The following NTRK1 variants were observed in gnomAD, a reference collection of about 807,000 sequenced individuals.
The protein encoded by NTRK1 is high affinity nerve growth factor receptor.
In NTRK1, 62 loss-of-function variants were observed where a neutral mutation model predicts 86.8. That is an observed-to-expected ratio of 0.71 (90% CI 0.58 to 0.88). The LOEUF (loss-of-function observed/expected upper bound fraction) is 0.88. Ranked by LOEUF, NTRK1 falls within the 40% of genes least tolerant of loss-of-function variation. The probability of loss-of-function intolerance (pLI) is 0.00; values close to 1 mark genes in which losing one functional copy is unlikely to be tolerated. For synonymous variants in NTRK1, 469 were observed against 456.6 expected (o/e 1.03, Z -0.35); for missense variants, 967 against 1,078.4 (o/e 0.90, Z 1.45).
chr1:156,876,302 C>A (rs566339634), intron 13 of NTRK1, 92 bp downstream of exon 13: 1 of 1,609,608 alleles, frequency 6.2e-7, no homozygotes. Context: ...ATGCAGAGGG[C>A]TGACATGGCT....
intron 2 of NTRK1, chr1:156,852,027 G>C (rs767117657): frequency 6.2e-7 from 1 of 1,613,524 alleles, no homozygotes; most frequent in Middle Eastern, 1.7e-4. Flanking sequence ...GACTCATACT[G>C]GTAGGTGCCT....
chr1:156,868,074 G>T, intron 4 of NTRK1, 30 bp from the exon 5 acceptor site: 3 of 1,613,226 alleles, frequency 1.9e-6, no homozygotes, highest in Non-Finnish European at 2.5e-6. Context: ...CCCTTTCCTT[G>T]ACTCTGTTGG....
intron 3 of NTRK1, among the ~76,000 whole-genome samples, chr1:156,865,326 G>A (rs1655876980): frequency 6.6e-6 from 1 of 152,160 alleles, no homozygotes; most frequent in South Asian, 2.1e-4. Context: ...GGATGGTGCG[G>A]GAGGAGAGGA....
upstream of NTRK1, among the ~76,000 whole-genome samples, chr1:156,857,163 ATGTGTGTGTG>A (rs57324546): frequency 0.022 from 2,815 of 130,606 alleles, 88 homozygotes; most frequent in African/African-American, 0.074. Context: ...GCAGCTGTGT[ATGTGTGTGTG>A]TGTGTGTGTG....
chr1:156,867,625 G>A (rs1178087390), intron 4 of NTRK1, among the ~76,000 whole-genome samples: 2 of 149,030 alleles, frequency 1.3e-5, no homozygotes, highest in East Asian at 2.0e-4. Context: ...GAGTCACAGC[G>A]CCTGGCTTAT....
At chr1:156,857,161 GTA>G (rs1330619121), upstream of NTRK1, among the ~76,000 whole-genome samples, 1,002 of 114,758 alleles carry the variant, frequency 8.7e-3, 10 homozygotes, top group South Asian at 0.019. Flanking sequence ...CAGCAGCTGT[GTA>G]TGTGTGTGTG....
intron 2 of NTRK1, among the ~76,000 whole-genome samples, chr1:156,850,771 G>C (rs1655179417): frequency 6.6e-6 from 1 of 151,630 alleles, no homozygotes; most frequent in African/African-American, 2.4e-5. Flanking sequence ...TGGCCAGGCT[G>C]GTCTTGAATT....
chr1:156,880,332 C>T (rs1232215264), intron 16 of NTRK1, 175 bp downstream of exon 16: 20 of 673,982 alleles, frequency 3.0e-5, no homozygotes, highest in Non-Finnish European at 5.0e-5. Flanking sequence ...TCTTCTCTTC[C>T]TCCCTTATTC....
chr1:156,862,331 A>G (rs2102881529), intron 1 of NTRK1, among the ~76,000 whole-genome samples: 1 of 152,164 alleles, frequency 6.6e-6, no homozygotes, highest in East Asian at 1.9e-4. Flanking sequence ...AGGTCTCTGC[A>G]TGATGGGAGG....
At chr1:156,831,100 C>T (rs1278090134) in intron 1 of NTRK1, among the ~76,000 whole-genome samples, 4 of 152,186 alleles carry the variant, frequency 2.6e-5, no homozygotes, top group South Asian at 4.1e-4. Flanking sequence ...AAGGGGCTTA[C>T]GTCCTAGAGA....
rs117618542 is a variant in NTRK1, at chr1:156,843,244, G to A, written c.50+1051G>A. 73 of 1,612,810 alleles carry A rather than the reference G, an allele frequency of 4.5e-5. No homozygotes were observed. In the East Asian group the frequency reaches 1.5e-3, roughly 32 times the overall value. ...CATCAGGGACATACACTGCAAGGAG[G>A]TGGAGGGTCACAAAGCGAGGATGCT... On this transcript the variant is annotated intron_variant, in intron 2 of 16. Coordinates refer to the NTRK1 transcript ENST00000392302.
chr1:156,848,791 T>TAC, intron 2 of NTRK1: 5 of 1,117,244 alleles, frequency 4.5e-6, no homozygotes, highest in Non-Finnish European at 6.3e-6. Context: ...TACCACGGAG[T>TAC]ACAACTTGCG....
At chr1:156,878,611 C>T (rs1329848740) in intron 14 of NTRK1, among the ~76,000 whole-genome samples, 5 of 152,168 alleles carry the variant, frequency 3.3e-5, no homozygotes, top group South Asian at 2.1e-4. Context: ...CCCGAGTGCT[C>T]GCTCTGGGGA....
In NTRK1 at chr1:156,881,825, A is replaced by T; in HGVS notation, c.*183A>T. ...CTGCTTCTCTAGGCAAGGTCCCGTC[A>T]TAGCAATTATATTTATTATCCCTTG... On this transcript the variant is annotated 3_prime_UTR_variant, in exon 17 of 17. Transcript: ENST00000524377. 1 of 590,916 alleles carries T rather than the reference A, an allele frequency of 1.7e-6. No individual in the cohort carries two copies. 36.6% of individuals were successfully genotyped at this position (590,916 alleles called of 1,614,324 possible).
intron 2 of NTRK1, among the ~76,000 whole-genome samples, chr1:156,855,009 G>A (rs4661063): frequency 0.2 from 30,188 of 151,856 alleles, 4,905 homozygotes; most frequent in African/African-American, 0.46. Context: ...TTCCTTATAT[G>A]TAACAGGAGC....
At chr1:156,879,400 C>A (rs2102925526) in intron 15 of NTRK1, 38 bp downstream of exon 15, 1 of 1,577,310 alleles carries the variant, frequency 6.3e-7, no homozygotes. Context: ...CCCCTGCATC[C>A]AAACTGTAGA....
At chr1:156,834,767 T>G (rs1377996823) in intron 1 of NTRK1, among the ~76,000 whole-genome samples, 22 of 143,866 alleles carry the variant, frequency 1.5e-4, no homozygotes, top group African/African-American at 4.1e-4. Context: ...TCTGGGTAGG[T>G]GGGGAGGAGT....
chr1:156,818,738 GT>G (rs1454569584), intron 1 of NTRK1, among the ~76,000 whole-genome samples: 1 of 152,176 alleles, frequency 6.6e-6, no homozygotes, highest in Non-Finnish European at 1.5e-5. Flanking sequence ...GGGCACTTAG[GT>G]TGGTTTCATA....
chr1:156,879,906 GT>G, intron 15 of NTRK1, 92 bp from the exon 16 acceptor site: 1 of 1,520,938 alleles, frequency 6.6e-7, no homozygotes, highest in Non-Finnish European at 9.0e-7. Flanking sequence ...CCGAGCTTGT[GT>G]ATTTATTTTT....
Sources: allele counts gnomAD v4.1 joint callset (sites outside exome capture counted in the v4.1 genomes callset), GRCh38; gene constraint gnomAD v4.1.1; transcripts MANE v1.5; gene names NCBI Gene and HGNC (gene_info 2026-07-23, HGNC 2026-07-21).